The following SLC12A8 variants were observed in gnomAD, a reference collection of about 807,000 sequenced individuals.
SLC12A8 encodes solute carrier family 12 member 8.
A neutral mutation model predicts 75.6 loss-of-function variants in SLC12A8; 69 were observed. That is an observed-to-expected ratio of 0.91 (90% CI 0.75 to 1.11). SLC12A8 has a LOEUF of 1.11. Ranked by LOEUF, SLC12A8 falls within the 50% of genes most tolerant of loss-of-function variation. SLC12A8 has a pLI of 0.00. For missense variants in SLC12A8, 877 were observed against 896.7 expected, an observed-to-expected ratio of 0.98 and a Z score of 0.28; for synonymous variants, 365 against 372.8, an observed-to-expected ratio of 0.98 and a Z score of 0.24.
chr3:125,091,334 C>T (rs1231359604), intron 12 of SLC12A8, 105 bp downstream of exon 12: 3 of 750,380 alleles, frequency 4.0e-6, no homozygotes, highest in African/African-American at 3.4e-5. Flanking sequence ...ATGGGATTCA[C>T]ATCTGAATCA....
chr3:125,158,005 T>TA (rs1440628074), intron 5 of SLC12A8, among the ~76,000 whole-genome samples: 1 of 151,796 alleles, frequency 6.6e-6, no homozygotes, highest in African/African-American at 2.4e-5. Flanking sequence ...GACAAAGAAA[T>TA]ACAGAGATGA....
At chr3:125,181,063 T>C (rs1934647158) in intron 4 of SLC12A8, among the ~76,000 whole-genome samples, 1 of 152,204 alleles carries the variant, frequency 6.6e-6, no homozygotes, top group Non-Finnish European at 1.5e-5. Context: ...AGTTTAATTA[T>C]GACTTCTGAG....
intron 10 of SLC12A8, among the ~76,000 whole-genome samples, chr3:125,094,651 C>T (rs563961450): frequency 2.6e-5 from 4 of 152,190 alleles, no homozygotes; most frequent in Admixed American, 6.5e-5. Context: ...ATACTGTCTT[C>T]TCTCCCACCT....
chr3:125,085,384 A>G (rs1457833254), intron 13 of SLC12A8, among the ~76,000 whole-genome samples: 1 of 152,194 alleles, frequency 6.6e-6, no homozygotes, highest in Admixed American at 6.5e-5. Context: ...GACAGGCTCA[A>G]CTTCACATAG....
chr3:125,100,687 C>A (rs1938847742), intron 10 of SLC12A8, among the ~76,000 whole-genome samples: 1 of 150,590 alleles, frequency 6.6e-6, no homozygotes, highest in Non-Finnish European at 1.5e-5. Context: ...GGATTACAGG[C>A]ACGAGCCACC....
intron 8 of SLC12A8, among the ~76,000 whole-genome samples, chr3:125,117,403 A>G (rs1442543430): frequency 1.3e-5 from 2 of 148,304 alleles, no homozygotes; most frequent in South Asian, 2.2e-4. Flanking sequence ...CCTGAGCAAC[A>G]TGGCGAAACC....
intron 5 of SLC12A8, among the ~76,000 whole-genome samples, chr3:125,161,127 G>C (rs571968759): frequency 6.6e-6 from 1 of 152,158 alleles, no homozygotes; most frequent in Admixed American, 6.5e-5. Flanking sequence ...CTCTTGTCTC[G>C]GCAGGGCTCA....
intron 9 of SLC12A8, 141 bp downstream of exon 9, chr3:125,110,048 C>T (rs1939148155): frequency 2.2e-6 from 2 of 909,262 alleles, no homozygotes; most frequent in Non-Finnish European, 3.4e-6. Context: ...AAAGAAATGA[C>T]CTCTGCATTA....
chr3:125,202,628 ATGTTTTTT>A (rs1417353768), intron 2 of SLC12A8, among the ~76,000 whole-genome samples: 1 of 122,822 alleles, frequency 8.1e-6, no homozygotes, highest in Non-Finnish European at 1.8e-5. Context: ...TGTATTAACC[ATGTTTTTT>A]TTTTTTTTTT....
chr3:125,088,150 T>G, intron 13 of SLC12A8, 160 bp downstream of exon 13: 2 of 630,824 alleles, frequency 3.2e-6, no homozygotes, highest in East Asian at 2.8e-5. Flanking sequence ...TGTGGTGGAG[T>G]GCACGCAGGA....
At chr3:125,127,022 A>G (rs1380397818) in intron 6 of SLC12A8, among the ~76,000 whole-genome samples, 1 of 152,202 alleles carries the variant, frequency 6.6e-6, no homozygotes, top group Non-Finnish European at 1.5e-5. Context: ...TGGAACAGAT[A>G]TTCATAAGCA....
rs534783595 is a variant in SLC12A8 at position 125,139,217 on chromosome 3, G to A, written c.623-3435C>T. Among the ~76,000 whole-genome samples the A allele has an allele frequency of 1.4e-4, 22 of 152,190 alleles. No homozygotes were observed. In the South Asian group the frequency reaches 2.7e-3, roughly 19 times the overall value. On this transcript the variant is annotated intron_variant, in intron 5 of 13. Coordinates refer to ENST00000469902, the MANE Select transcript of SLC12A8 (RefSeq NM_024628.6). ...AACAAGACAGGAAAAATAAAATAAGGACCAAAGAAAGAAAGAAACTGAGCA... is the reference window on the plus strand; with the variant it reads ...AACAAGACAGGAAAAATAAAATAAGAACCAAAGAAAGAAAGAAACTGAGCA...
intron 4 of SLC12A8, among the ~76,000 whole-genome samples, chr3:125,179,717 GAGAGAGAGAGAGAGAA>G (rs1560077700): frequency 3.9e-5 from 4 of 103,162 alleles, no homozygotes; most frequent in Middle Eastern, 6.7e-3. Context: ...GAGAGAGAGA[GAGAGAGAGAGAGAGAA>G]AGAGAAAGAC....
chr3:125,093,763 C>T (rs1938643114), intron 10 of SLC12A8, among the ~76,000 whole-genome samples: 1 of 152,184 alleles, frequency 6.6e-6, no homozygotes, highest in African/African-American at 2.4e-5. Context: ...TGTAGCAGAA[C>T]TCACTAAGTA....
intron 5 of SLC12A8, among the ~76,000 whole-genome samples, chr3:125,147,700 G>A (rs1933819878): frequency 6.6e-6 from 1 of 152,160 alleles, no homozygotes; most frequent in African/African-American, 2.4e-5. Flanking sequence ...AGAGCACGAG[G>A]GGAGAGCAAG....
chr3:125,148,994 G>A (rs2176444), intron 5 of SLC12A8, among the ~76,000 whole-genome samples: 30,780 of 152,028 alleles, frequency 0.2, 3,892 homozygotes, highest in African/African-American at 0.36. Context: ...AGGATGTGTC[G>A]GCCCACCCCT....
At chr3:125,129,184 T>A (rs1933292568) in intron 6 of SLC12A8, among the ~76,000 whole-genome samples, 1 of 152,126 alleles carries the variant, frequency 6.6e-6, no homozygotes, top group Admixed American at 6.5e-5. Context: ...GGAACAAGGG[T>A]TACAGGACTT....
At chr3:125,159,122 TA>T (rs1934108714) in intron 5 of SLC12A8, among the ~76,000 whole-genome samples, 1 of 152,220 alleles carries the variant, frequency 6.6e-6, no homozygotes, top group African/African-American at 2.4e-5. Flanking sequence ...GAGGAAATAA[TA>T]AAATTCTCTA....
At chr3:125,146,152 C>G (rs557511519) in intron 5 of SLC12A8, among the ~76,000 whole-genome samples, 2 of 152,328 alleles carry the variant, frequency 1.3e-5, no homozygotes, top group South Asian at 4.1e-4. Context: ...TTGTACTATA[C>G]TATTTTTATC....
Sources: gnomAD v4.1 joint callset for allele counts (sites outside exome capture counted in the v4.1 genomes callset) on GRCh38, gnomAD v4.1.1 for gene constraint, MANE v1.5 for transcripts, NCBI Gene and HGNC (gene_info 2026-07-23, HGNC 2026-07-21) for gene names.